The following SFXN4 variants were observed in gnomAD, a reference collection of about 807,000 sequenced individuals.
The protein encoded by SFXN4 is sideroflexin 4, also known as sideroflexin-4.
SFXN4 carries 48 observed loss-of-function variants against 54.6 expected under a neutral mutation model. The ratio of observed to expected loss-of-function variants is 0.88; its 90% CI spans 0.70 to 1.12. The LOEUF is 1.12. Among genes scored for constraint, SFXN4 ranks in the 50% most tolerant of loss-of-function variants. The pLI, the probability that SFXN4 is intolerant of heterozygous loss-of-function variation, is 0.00. For missense variants in SFXN4, 383 were observed against 409.2 expected, an observed-to-expected ratio of 0.94 and a Z score of 0.55; for synonymous variants, 130 against 145.5, an observed-to-expected ratio of 0.89 and a Z score of 0.77.
At chr10:119,156,393 C>T (rs568431608) in intron 10 of SFXN4, among the ~76,000 whole-genome samples, 1 of 152,338 alleles carries the variant, frequency 6.6e-6, no homozygotes, top group African/African-American at 2.4e-5. Flanking sequence ...CATGCCACTG[C>T]ACTCCAGCCT....
At position 119,141,249 on chromosome 10, in the gene SFXN4, C is replaced by G. The variant is rs753782753; in HGVS notation, c.1007G>C (p.Gly336Ala). Residue 336 changes from glycine (G) to alanine (A), a missense_variant, in exon 14 of 14, where the codon GGG (glycine) becomes GCG (alanine). Coordinates refer to ENST00000355697, the MANE Select transcript of SFXN4 (RefSeq NM_213649.2). ...TTCACCTAAAACTCACGCCTACACC[C>G]CTCTGTGATAAAAGATTTCTGTTTC... ...TEETEIFYHR[G>A]V is the part of the protein sequence containing the mutation. 1.2e-6 allele frequency: 2 copies of G among 1,610,942 alleles called. No individual in the cohort carries two copies. The highest frequency in any genetic ancestry group is 2.2e-5 in the South Asian group (2 of 90,976).
intron 6 of SFXN4, among the ~76,000 whole-genome samples, chr10:119,158,615 CAAAAAAAAAA>C (rs35982987): frequency 1.5e-5 from 1 of 65,706 alleles, no homozygotes; most frequent in Non-Finnish European, 2.6e-5. Flanking sequence ...GACTCCGTCT[CAAAAAAAAAA>C]AAAAAAAAAA....
rs201226045 is a variant in SFXN4 at position 119,156,707 on chromosome 10, A to C, written c.587T>G (p.Ile196Ser). The stretch of plus-strand genomic sequence containing the variant: ...GAAGATCACAGGTAAGAGTCTTTTA[A>C]TCCAAGGGCCAGTCAGGCCATACTT... ...QMKYGLTGPW[I>S]KRLLPVIFLV... Residue 196 changes from isoleucine to serine, a missense_variant, in exon 10 of 14, where the codon ATT becomes AGT. By Grantham distance (142) the Ile-to-Ser change is moderately radical (BLOSUM62 -2). Coordinates refer to ENST00000355697, the MANE Select transcript of SFXN4 (RefSeq NM_213649.2). The C allele has an allele frequency of 8.1e-6, 13 of 1,611,706 alleles. No individual in the cohort carries two copies. The East Asian group carries it at 2.9e-4, about 36-fold the overall frequency.
At chr10:119,148,227 C>G (rs898690476) in intron 11 of SFXN4, among the ~76,000 whole-genome samples, 1 of 151,970 alleles carries the variant, frequency 6.6e-6, no homozygotes, top group Non-Finnish European at 1.5e-5. Flanking sequence ...ACAACTCCTG[C>G]GAGAGACAGG....
At chr10:119,158,780 C>T (rs1335915854) in intron 6 of SFXN4, among the ~76,000 whole-genome samples, 2 of 151,936 alleles carry the variant, frequency 1.3e-5, no homozygotes, top group South Asian at 2.1e-4. Flanking sequence ...GCCAGGAGTT[C>T]GACACCAGCC....
At chr10:119,156,359 C>T (rs1406085791) in intron 10 of SFXN4, among the ~76,000 whole-genome samples, 11 of 152,156 alleles carry the variant, frequency 7.2e-5, no homozygotes, top group South Asian at 2.1e-4. Context: ...ATCCAGCAGG[C>T]GGAGGGTTGC....
chr10:119,160,447 C>T (rs1215215836), intron 5 of SFXN4, among the ~76,000 whole-genome samples: 1 of 144,000 alleles, frequency 6.9e-6, no homozygotes, highest in Non-Finnish European at 1.5e-5. Context: ...ACCTGGGAGG[C>T]GGAGGTTGTA....
At chr10:119,149,616 G>A (rs1037092660) in intron 11 of SFXN4, among the ~76,000 whole-genome samples, 1 of 152,128 alleles carries the variant, frequency 6.6e-6, no homozygotes, top group South Asian at 2.1e-4. Context: ...CGGGCGTGGT[G>A]GTGGGCGCCT....
intron 11 of SFXN4, among the ~76,000 whole-genome samples, chr10:119,150,517 C>CTT (rs765690874): frequency 2.7e-5 from 4 of 147,840 alleles, no homozygotes; most frequent in Admixed American, 2.0e-4. Context: ...TCTCTACAAA[C>CTT]TTTTTTTTTT....
chr10:119,156,563 A>C (rs1332072032), intron 10 of SFXN4, 115 bp downstream of exon 10: 27 of 823,600 alleles, frequency 3.3e-5, no homozygotes, highest in Non-Finnish European at 5.3e-5. Context: ...TGCAAAGGCC[A>C]CCTGTCATCA....
intron 2 of SFXN4, among the ~76,000 whole-genome samples, chr10:119,163,393 C>T (rs1278591032): frequency 6.6e-6 from 1 of 152,048 alleles, no homozygotes; most frequent in Non-Finnish European, 1.5e-5. Flanking sequence ...GTACGCTTTT[C>T]TTTTCTTTTT....
At chr10:119,158,515 C>A (rs1319818408) in intron 6 of SFXN4, among the ~76,000 whole-genome samples, 1 of 145,856 alleles carries the variant, frequency 6.9e-6, no homozygotes, top group African/African-American at 2.6e-5. Flanking sequence ...ACTCGGGAGG[C>A]TGAGGCAGAA....
At chr10:119,151,392 A>C (rs1384188274) in intron 11 of SFXN4, among the ~76,000 whole-genome samples, 1 of 103,920 alleles carries the variant, frequency 9.6e-6, no homozygotes, top group Non-Finnish European at 1.8e-5. Flanking sequence ...AAAAAAAAAG[A>C]AGCAGATCAG....
intron 9 of SFXN4, among the ~76,000 whole-genome samples, chr10:119,157,302 G>A (rs1472605990): frequency 6.6e-6 from 1 of 151,670 alleles, no homozygotes; most frequent in African/African-American, 2.4e-5. Context: ...GTGGTGGCAC[G>A]TGCCTGTAGT....
intron 7 of SFXN4, 21 bp from the exon 8 acceptor site, chr10:119,157,948 A>G: frequency 1.2e-6 from 2 of 1,614,214 alleles, no homozygotes; most frequent in Non-Finnish European, 8.5e-7. Flanking sequence ...GGGCAAATGG[A>G]TCGCATTTTC....
chr10:119,149,407 C>T (rs1400588151), intron 11 of SFXN4, among the ~76,000 whole-genome samples: 2 of 152,098 alleles, frequency 1.3e-5, no homozygotes, highest in East Asian at 3.9e-4. Flanking sequence ...GCAGGGAATG[C>T]CTTTCCCCCC....
chr10:119,144,547 T>C lies in SFXN4; in HGVS notation c.936+1689A>G, dbSNP rs559815396. ...GGCAGAGCTTTGGAAATTAAAAAAA[T>C]TGGCTTTCTGACTTAAAAAAAAAAA... On this transcript the variant is annotated intron_variant, in intron 13 of 13. Coordinates refer to ENST00000355697, the MANE Select transcript of SFXN4 (RefSeq NM_213649.2). Among the ~76,000 whole-genome samples the C allele has an allele frequency of 2.1e-3, 317 of 148,774 alleles. 1 individual carries two copies. Among genetic ancestry groups the C allele is most frequent in the African/African-American group, 7.5e-3 (300 of 40,002 alleles).
intron 10 of SFXN4, among the ~76,000 whole-genome samples, chr10:119,156,203 A>C (rs1847273760): frequency 6.6e-6 from 1 of 152,182 alleles, no homozygotes; most frequent in Admixed American, 6.5e-5. Flanking sequence ...CAGGCGAATC[A>C]CTTGAGGCCA....
intron 11 of SFXN4, among the ~76,000 whole-genome samples, chr10:119,151,947 T>A (rs1847085645): frequency 6.6e-6 from 1 of 152,106 alleles, no homozygotes; most frequent in African/African-American, 2.4e-5. Context: ...CCTAAGCAGC[T>A]GGGACTACAG....
Sources: allele counts gnomAD v4.1 joint callset (sites outside exome capture counted in the v4.1 genomes callset), GRCh38; gene constraint gnomAD v4.1.1; transcripts MANE v1.5; gene names NCBI Gene and HGNC (gene_info 2026-07-23, HGNC 2026-07-21).